Variants in CUX1 observed in about 807,000 individuals in gnomAD.
The protein encoded by CUX1 is cut like homeobox 1.
A neutral mutation model predicts 158.8 loss-of-function variants in CUX1; 31 were observed. That is an observed-to-expected ratio of 0.20 (90% CI 0.15 to 0.26). The LOEUF (loss-of-function observed/expected upper bound fraction) is 0.26. Ranked by LOEUF, CUX1 falls within the 10% of genes least tolerant of loss-of-function variation. CUX1 has a pLI of 1.00. For missense variants in CUX1, 1,589 were observed against 2,014.6 expected, an observed-to-expected ratio of 0.79 and a Z score of 4.04; for synonymous variants, 879 against 862.1, an observed-to-expected ratio of 1.02 and a Z score of -0.34.
chr7:101,949,711 A>G (rs1808824777), intron 2 of CUX1, among the ~76,000 whole-genome samples: 1 of 151,632 alleles, frequency 6.6e-6, no homozygotes, highest in African/African-American at 2.4e-5. Context: ...TTGTATTTTT[A>G]GTAGAGATGG....
chr7:101,817,263 C>T (rs1031416578), upstream of CUX1: 6 of 984,754 alleles, frequency 6.1e-6, no homozygotes, highest in Admixed American at 3.7e-4. This position sits in a 1 kb window ranked among gnomAD's most constrained non-coding sequence, Gnocchi z 4.1. Context: ...GGGGCTCCGG[C>T]GGCCCCCGGT....
In CUX1 at chr7:102,178,599, C is replaced by T. The variant is rs1383544162; in HGVS notation, c.959C>T (p.Ser320Leu). The T allele has an allele frequency of 6.2e-7, 1 of 1,611,500 alleles. No homozygotes were observed. Among genetic ancestry groups the T allele is most frequent in the Non-Finnish European group, 8.5e-7 (1 of 1,178,884 alleles). ...QASLTKLRENSASQISQLEQQ... is the reference protein window; with the variant it reads ...QASLTKLRENLASQISQLEQQ... ...AGCCTCACCAAGCTGCGGGAGAATT[C>T]GGCCAGCCAGATCTCACAGCTTGAG... is the stretch of plus-strand genomic sequence containing the variant. Residue 320 changes from serine (S) to leucine (L), a missense_variant, in exon 11 of 24, where the codon TCG becomes TTG. By Grantham distance (145) the Ser-to-Leu change is moderately radical. Transcript: ENST00000292535.
intron 2 of CUX1, among the ~76,000 whole-genome samples, chr7:101,954,333 G>C (rs2129163257): frequency 6.6e-6 from 1 of 152,372 alleles, no homozygotes; most frequent in Middle Eastern, 3.4e-3. Flanking sequence ...CTGGGTGACA[G>C]AGTGAGACCC....
intron 14 of CUX1, among the ~76,000 whole-genome samples, chr7:102,271,426 G>A (rs1422925970): frequency 5.3e-5 from 8 of 152,080 alleles, no homozygotes; most frequent in Admixed American, 1.3e-4. Flanking sequence ...TCTCACAACC[G>A]CTGTCCACCT....
At position 102,108,736 on chromosome 7, in the gene CUX1, T is replaced by TGTGTGTGTGTG. The variant is rs1830610289; in HGVS notation, c.531-2962_531-2961insGTGTGTGTGTG. Reference sequence around the variant, plus strand: ...GAAGCTAGAATTTACTTCATTCATTTTGTGTGTGTGTGTGTGTGTGTGTGT... The same window carrying TGTGTGTGTGTG: ...GAAGCTAGAATTTACTTCATTCATTTGTGTGTGTGTGTGTGTGTGTGTGTGTGTGTGTGTGT... On this transcript the variant is annotated intron_variant, in intron 6 of 23. Coordinates refer to ENST00000292535, the MANE Select transcript of CUX1 (RefSeq NM_181552.4). 3.1e-3 allele frequency among the ~76,000 whole-genome samples: 456 copies of TGTGTGTGTGTG among 145,046 alleles called. 1 individual carries two copies. The highest frequency in any genetic ancestry group is 0.011 in the African/African-American group (422 of 38,252).
At chr7:101,839,458 C>A (rs375884040) in intron 1 of CUX1, among the ~76,000 whole-genome samples, 2 of 152,228 alleles carry the variant, frequency 1.3e-5, no homozygotes, top group Non-Finnish European at 2.9e-5. Context: ...CTTACTCCCC[C>A]ACCCACAGTC....
At chr7:102,036,194 G>A (rs753509384) in intron 3 of CUX1, among the ~76,000 whole-genome samples, 1 of 151,888 alleles carries the variant, frequency 6.6e-6, no homozygotes, top group East Asian at 1.9e-4. Flanking sequence ...GACCTCAGGC[G>A]ATCAGACTGC....
At chr7:102,182,580 C>T (rs1239304004) in intron 11 of CUX1, among the ~76,000 whole-genome samples, 1 of 152,206 alleles carries the variant, frequency 6.6e-6, no homozygotes, top group Non-Finnish European at 1.5e-5. Flanking sequence ...CATCGCTAAC[C>T]TTTAATTAGG....
chr7:101,996,120 A>G (rs1324343507), intron 2 of CUX1, among the ~76,000 whole-genome samples: 5 of 152,102 alleles, frequency 3.3e-5, no homozygotes, highest in African/African-American at 9.7e-5. Context: ...CCAAAAAAAA[A>G]AAAGAGAGAG....
chr7:101,868,691 G>A (rs1798172874), intron 1 of CUX1, among the ~76,000 whole-genome samples: 1 of 152,192 alleles, frequency 6.6e-6, no homozygotes, highest in Non-Finnish European at 1.5e-5. Flanking sequence ...AATACCATCA[G>A]CCGCAAAGCT....
chr7:101,898,648 C>A (rs550047711), intron 1 of CUX1, among the ~76,000 whole-genome samples: 1 of 143,626 alleles, frequency 7.0e-6, no homozygotes, highest in African/African-American at 2.6e-5. Context: ...TGGAGTGCAG[C>A]GGCGCGACCT....
At chr7:101,909,009 G>A (rs1295919049) in intron 1 of CUX1, among the ~76,000 whole-genome samples, 1 of 152,180 alleles carries the variant, frequency 6.6e-6, no homozygotes, top group East Asian at 1.9e-4. Flanking sequence ...ACTTAGGGAG[G>A]CTGAGGTGGG....
At chr7:101,933,890 G>T (rs1340920273) in intron 2 of CUX1, among the ~76,000 whole-genome samples, 3 of 150,778 alleles carry the variant, frequency 2.0e-5, no homozygotes, top group Non-Finnish European at 3.0e-5. Context: ...TTGAAATGAT[G>T]AAAAAAAAAG....
At chr7:102,237,652 G>A (rs1236034948) in intron 22 of CUX1, among the ~76,000 whole-genome samples, 16 of 152,134 alleles carry the variant, frequency 1.1e-4, no homozygotes, top group Non-Finnish European at 1.5e-4. Flanking sequence ...CCAGGTGTAG[G>A]GACCAGCCCC....
chr7:102,166,461 C>T (rs1220021257), intron 9 of CUX1, among the ~76,000 whole-genome samples: 1 of 152,096 alleles, frequency 6.6e-6, no homozygotes, highest in African/African-American at 2.4e-5. Context: ...GAAGTGATGT[C>T]TCAGGGCCGC....
intron 10 of CUX1, among the ~76,000 whole-genome samples, chr7:102,177,216 C>A (rs1420759854): frequency 2.6e-5 from 4 of 151,712 alleles, no homozygotes; most frequent in Admixed American, 6.6e-5. Flanking sequence ...GAGTTCGAGA[C>A]CAGCCTGGCC....
chr7:101,876,691 CT>C (rs1475985221), intron 1 of CUX1, among the ~76,000 whole-genome samples: 1 of 148,388 alleles, frequency 6.7e-6, no homozygotes, highest in Non-Finnish European at 1.5e-5. Context: ...AAAACTCCGT[CT>C]AAAAAAAAAA....
chr7:101,857,435 G>A (rs969364195), intron 1 of CUX1, among the ~76,000 whole-genome samples: 4 of 152,220 alleles, frequency 2.6e-5, no homozygotes, highest in African/African-American at 9.7e-5. Context: ...TACATAGTCT[G>A]CTTTTGGTAT....
intron 2 of CUX1, among the ~76,000 whole-genome samples, chr7:101,988,993 CAAA>C (rs1010587831): frequency 1.5e-4 from 23 of 150,346 alleles, no homozygotes; most frequent in South Asian, 2.1e-4. Context: ...GATCCTGTCT[CAAA>C]AAAAAAATAA....
Sources: allele counts gnomAD v4.1 joint callset (sites outside exome capture counted in the v4.1 genomes callset), GRCh38; gene constraint gnomAD v4.1.1; non-coding constraint Gnocchi (gnomAD v3.1); transcripts MANE v1.5; gene names NCBI Gene and HGNC (gene_info 2026-07-23, HGNC 2026-07-21).